The following ARHGEF10 variants were observed in gnomAD, a reference collection of about 807,000 sequenced individuals.
ARHGEF10 encodes the protein Rho guanine nucleotide exchange factor (GEF) 10.
Under a neutral mutation model 147.4 loss-of-function variants are expected in ARHGEF10, and 140 were observed. The ratio of observed to expected loss-of-function variants is 0.95; its 90% confidence interval spans 0.83 to 1.09. The LOEUF (loss-of-function observed/expected upper bound fraction) is 1.09. Ranked by LOEUF, ARHGEF10 falls within the 50% of genes least tolerant of loss-of-function variation. The pLI is 0.00. For synonymous variants in ARHGEF10, 902 were observed against 695.8 expected, an observed-to-expected ratio of 1.30 and a Z score of -4.67; for missense variants, 2,222 against 1,752.7, an observed-to-expected ratio of 1.27 and a Z score of -4.78.
In ARHGEF10 at chr8:1,957,427, T is replaced by G; in HGVS notation, c.*164T>G. ...AGCGTAATGGTGGTGTCCCTGCCAA[T>G]TCCTTCCTTCTCTTCTGTACAGCAG... is the stretch of plus-strand genomic sequence containing the variant. On this transcript the variant is annotated 3_prime_UTR_variant, in exon 29 of 29. Transcript: ENST00000349830. The G allele has an allele frequency of 2.1e-6, 2 of 966,270 alleles. No individual in the cohort carries two copies. The highest frequency in any genetic ancestry group is 3.1e-6 in the Non-Finnish European group (2 of 655,036). The allele number at this position is 966,270 out of a possible 1,614,324, so 59.9% of individuals were successfully genotyped here. A position where few individuals can be genotyped will look rare whatever the true frequency, so the allele number is the denominator to read the frequency against.
chr8:1,877,419 G>A, intron 8 of ARHGEF10, among the ~76,000 whole-genome samples: 1 of 152,100 alleles, frequency 6.6e-6, no homozygotes, highest in East Asian at 1.9e-4. Flanking sequence ...TTAGAGATGG[G>A]GTTTCCCTAT....
At chr8:1,894,995 T>G (rs753881907) in intron 13 of ARHGEF10, among the ~76,000 whole-genome samples, 18 of 152,370 alleles carry the variant, frequency 1.2e-4, no homozygotes, top group Middle Eastern at 3.4e-3. Flanking sequence ...CAGAATTATC[T>G]GTGCCTGGGA....
intron 26 of ARHGEF10, among the ~76,000 whole-genome samples, chr8:1,943,383 G>C (rs1444911527): frequency 6.6e-6 from 1 of 152,184 alleles, no homozygotes; most frequent in African/African-American, 2.4e-5. Flanking sequence ...GAGCTCTGCA[G>C]GTTGGAGGTG....
At chr8:1,887,146 C>A (rs1408085964) in intron 11 of ARHGEF10, among the ~76,000 whole-genome samples, 1 of 152,200 alleles carries the variant, frequency 6.6e-6, no homozygotes, top group Non-Finnish European at 1.5e-5. Context: ...TGAGGACACA[C>A]CATGTGAGAG....
At chr8:1,931,165 G>T (rs1248038858) in intron 25 of ARHGEF10, among the ~76,000 whole-genome samples, 1 of 152,240 alleles carries the variant, frequency 6.6e-6, no homozygotes, top group Non-Finnish European at 1.5e-5. Flanking sequence ...CCCTCCGCAT[G>T]TGCGCCGAGA....
chr8:1,857,101 G>C (rs537128919), intron 2 of ARHGEF10, among the ~76,000 whole-genome samples: 3 of 152,178 alleles, frequency 2.0e-5, no homozygotes, highest in Non-Finnish European at 4.4e-5. Flanking sequence ...GCACTTACTT[G>C]GAACAGTTAT....
chr8:1,854,166 G>C (rs1805371947), intron 2 of ARHGEF10, among the ~76,000 whole-genome samples: 1 of 152,222 alleles, frequency 6.6e-6, no homozygotes, highest in African/African-American at 2.4e-5. Flanking sequence ...CCAGGGCCCA[G>C]GGCAGTGTCT....
chr8:1,879,807 C>T (rs1808026680), intron 8 of ARHGEF10, among the ~76,000 whole-genome samples: 1 of 152,114 alleles, frequency 6.6e-6, no homozygotes, highest in South Asian at 2.1e-4. Flanking sequence ...CCCACCTCCG[C>T]CTCCTAAAGT....
At chr8:1,843,670 T>C (rs561404365) in intron 2 of ARHGEF10, among the ~76,000 whole-genome samples, 147 of 152,370 alleles carry the variant, frequency 9.6e-4, no homozygotes, top group African/African-American at 3.4e-3. Flanking sequence ...TGTATTGCTC[T>C]TGGGGACCTA....
chr8:1,869,318 T>A (rs1320958049), intron 7 of ARHGEF10, 68 bp downstream of exon 7: 1 of 1,394,388 alleles, frequency 7.2e-7, no homozygotes, highest in African/African-American at 1.4e-5. Context: ...GATGCCAAAG[T>A]GACTATTTAG....
chr8:1,952,762 G>A lies in ARHGEF10; in HGVS notation c.3455G>A (p.Gly1152Asp), dbSNP rs1386800697. 6.2e-7 allele frequency: 1 copy of A among 1,613,476 alleles called. No individual in the cohort carries two copies. ...GTCTGCCACGGATTGCTGATGGTCG[G>A]CACCAGCCTGGGAGTCCTCGTGGCC... ...LLVCHGLLMV[G>D]TSLGVLVALP... Residue 1152 changes from glycine (G) to aspartate (D), a missense_variant, in exon 28 of 29, where the codon GGC (glycine) becomes GAC (aspartate). Coordinates refer to ENST00000349830, the MANE Select transcript of ARHGEF10 (RefSeq NM_014629.4).
chr8:1,912,544 C>T (rs1227296645), intron 18 of ARHGEF10, among the ~76,000 whole-genome samples: 1 of 149,072 alleles, frequency 6.7e-6, no homozygotes, highest in Non-Finnish European at 1.5e-5. Flanking sequence ...GTTTGCTGTC[C>T]GATGTTAGAT....
intron 2 of ARHGEF10, 127 bp from the exon 3 acceptor site, chr8:1,857,833 A>C (rs1401579041): frequency 3.4e-6 from 3 of 875,184 alleles, no homozygotes; most frequent in Admixed American, 4.1e-5. Context: ...AGCGCAGTAC[A>C]GCACAGAGGA....
chr8:1,869,632 C>T (rs1426326384), intron 7 of ARHGEF10: 3 of 335,342 alleles, frequency 8.9e-6, no homozygotes, highest in East Asian at 7.2e-5. Context: ...GAATTCTCTA[C>T]AATTAAAGAA....
At chr8:1,834,156 G>A (rs557879132) in intron 1 of ARHGEF10, among the ~76,000 whole-genome samples, 8 of 152,340 alleles carry the variant, frequency 5.3e-5, no homozygotes, top group East Asian at 1.9e-4. Context: ...TGTGGTGGCC[G>A]GTCCGGGGCT....
In ARHGEF10 at chr8:1,894,061, C is replaced by G. The variant is rs544915644; in HGVS notation, c.1261-332C>G. Among the ~76,000 whole-genome samples the G allele has an allele frequency of 2.6e-5, 4 of 151,700 alleles. No homozygotes were observed. In the South Asian group the frequency reaches 6.3e-4, roughly 24 times the overall value. Reference sequence around the variant, plus strand: ...TGGCGGTATGTGCCTATGGTCCCAGCTACTCGGGAGGCTGAGGCAGGAGAA... The same window carrying G: ...TGGCGGTATGTGCCTATGGTCCCAGGTACTCGGGAGGCTGAGGCAGGAGAA... On this transcript the variant is annotated intron_variant, in intron 12 of 28. Coordinates refer to ENST00000349830, the MANE Select transcript of ARHGEF10 (RefSeq NM_014629.4).
At chr8:1,917,369 C>T (rs923722726) in intron 18 of ARHGEF10, among the ~76,000 whole-genome samples, 4 of 152,214 alleles carry the variant, frequency 2.6e-5, no homozygotes, top group Admixed American at 2.0e-4. Context: ...CTGGCTCTGA[C>T]GTCTCGGTCT....
chr8:1,950,949 C>T (rs1398964196), intron 27 of ARHGEF10, among the ~76,000 whole-genome samples: 5 of 152,120 alleles, frequency 3.3e-5, no homozygotes, highest in African/African-American at 1.2e-4. Flanking sequence ...GCCATCGTTT[C>T]AGTCACGCAG....
chr8:1,952,917 T>G, intron 28 of ARHGEF10, 90 bp downstream of exon 28: 1 of 1,553,642 alleles, frequency 6.4e-7, no homozygotes, highest in Non-Finnish European at 8.8e-7. Flanking sequence ...CATCCTAGGA[T>G]TCTTTAAACA....
Sources: allele counts gnomAD v4.1 joint callset (sites outside exome capture counted in the v4.1 genomes callset), GRCh38; gene constraint gnomAD v4.1.1; transcripts MANE v1.5; gene names NCBI Gene and HGNC (gene_info 2026-07-23, HGNC 2026-07-21).